The following NT5E variants were observed in gnomAD, a reference collection of about 807,000 sequenced individuals.
NT5E encodes the protein 5'-nucleotidase.
Under a neutral mutation model 55.1 loss-of-function variants are expected in NT5E, and 53 were observed. The ratio of observed to expected loss-of-function variants is 0.96; its 90% CI spans 0.77 to 1.21. The LOEUF is 1.21. Ranked by LOEUF, NT5E falls within the 50% of genes most tolerant of loss-of-function variation. The pLI is 0.00. For missense variants in NT5E, 683 were observed against 724.3 expected, an observed-to-expected ratio of 0.94 and a Z score of 0.65; for synonymous variants, 270 against 278.4, an observed-to-expected ratio of 0.97 and a Z score of 0.30.
chr6:85,476,805 C>A (rs1013663300), intron 3 of NT5E, among the ~76,000 whole-genome samples: 1 of 152,138 alleles, frequency 6.6e-6, no homozygotes, highest in Middle Eastern at 3.2e-3. Flanking sequence ...CCTCTGAAGT[C>A]AAGCTGCTTT....
chr6:85,471,475 G>T, intron 3 of NT5E, 50 bp downstream of exon 3: 2 of 1,537,848 alleles, frequency 1.3e-6, no homozygotes, highest in Non-Finnish European at 1.8e-6. Flanking sequence ...GATAAGCACT[G>T]TGTCTCTTTT....
rs775801582 is a variant in NT5E, at chr6:85,467,104, C to A, written c.384C>A (p.Ile128=). 5 of 1,611,746 alleles carry A rather than the reference C, an allele frequency of 3.1e-6. No individual in the cohort carries two copies. Among genetic ancestry groups the A allele is most frequent in the African/African-American group, 1.3e-5 (1 of 74,758 alleles). Residue 128 remains isoleucine, a synonymous_variant, in exon 2 of 9, where the codon ATC becomes ATA. Coordinates refer to ENST00000257770, the MANE Select transcript of NT5E (RefSeq NM_002526.4). ...TTGATAATGGTGTGGAAGGACTGAT[C>A]GAGCCACTCCTCAAAGAGGCCAAAT... is the stretch of plus-strand genomic sequence containing the variant. ...HEFDNGVEGL[I]EPLLKEAKFP...
chr6:85,466,308 C>A (rs1352865723), intron 1 of NT5E, among the ~76,000 whole-genome samples: 2 of 152,172 alleles, frequency 1.3e-5, no homozygotes, highest in Non-Finnish European at 1.5e-5. Context: ...TTGTCACCAT[C>A]CCTGCTCCTC....
At chr6:85,455,900 G>T (rs1768979825) in intron 1 of NT5E, among the ~76,000 whole-genome samples, 1 of 152,160 alleles carries the variant, frequency 6.6e-6, no homozygotes, top group Admixed American at 6.5e-5. Context: ...AGTAGAAAAA[G>T]CAGTTTGTGT....
intron 3 of NT5E, among the ~76,000 whole-genome samples, chr6:85,483,211 T>C (rs893011747): frequency 2.6e-5 from 4 of 152,238 alleles, no homozygotes; most frequent in African/African-American, 9.6e-5. Flanking sequence ...TCCAGGAAAC[T>C]GACAGACTCC....
Position 85,471,291 on chromosome 6 carries a change from A to G in NT5E, c.617A>G (p.Lys206Arg). ...EITALQPEVD[K>R]LKTLNVNKII... ...ACTGCATTACAACCTGAAGTAGATAAGTTAAAAACTCTAAATGTGAACAAA... is the reference window on the plus strand; with the variant it reads ...ACTGCATTACAACCTGAAGTAGATAGGTTAAAAACTCTAAATGTGAACAAA... Residue 206 changes from lysine to arginine, a missense_variant, in exon 3 of 9, where the codon AAG becomes AGG. Coordinates refer to ENST00000257770, the MANE Select transcript of NT5E (RefSeq NM_002526.4). 1 of 1,612,322 alleles carries G rather than the reference A, an allele frequency of 6.2e-7. No homozygotes were observed. Among genetic ancestry groups the G allele is most frequent in the African/African-American group, 1.3e-5 (1 of 75,052 alleles).
At chr6:85,490,962 T>C (rs1394790151) in intron 7 of NT5E, 3 of 512,464 alleles carry the variant, frequency 5.9e-6, no homozygotes, top group East Asian at 9.9e-5. Context: ...TAAAATCTTA[T>C]TTAAGCATTC....
At chr6:85,488,627 C>T (rs1769717687) in intron 5 of NT5E, among the ~76,000 whole-genome samples, 1 of 152,128 alleles carries the variant, frequency 6.6e-6, no homozygotes, top group Non-Finnish European at 1.5e-5. Context: ...GTCGCCCAGG[C>T]TGGAGTGCAG....
At chr6:85,451,322 G>A (rs1346132100) in intron 1 of NT5E, among the ~76,000 whole-genome samples, 2 of 152,184 alleles carry the variant, frequency 1.3e-5, no homozygotes, top group African/African-American at 4.8e-5. Flanking sequence ...AGGTTTGGCG[G>A]CAGAGATTTA....
At chr6:85,465,194 T>C (rs1019610539) in intron 1 of NT5E, among the ~76,000 whole-genome samples, 1 of 152,086 alleles carries the variant, frequency 6.6e-6, no homozygotes, top group Non-Finnish European at 1.5e-5. Context: ...TTCAGGAGGA[T>C]TAGGCTCAAG....
intron 1 of NT5E, among the ~76,000 whole-genome samples, chr6:85,455,868 A>C (rs1209146935): frequency 6.6e-6 from 1 of 152,192 alleles, no homozygotes; most frequent in Non-Finnish European, 1.5e-5. Flanking sequence ...TGGTCACAGA[A>C]GTATTCTGTG....
intron 1 of NT5E, among the ~76,000 whole-genome samples, chr6:85,461,094 T>A (rs1769090580): frequency 2.6e-5 from 4 of 152,206 alleles, no homozygotes; most frequent in Admixed American, 2.6e-4. Context: ...TATAACCACT[T>A]AAAATGTATC....
At chr6:85,457,121 A>T (rs1769005886) in intron 1 of NT5E, among the ~76,000 whole-genome samples, 1 of 152,148 alleles carries the variant, frequency 6.6e-6, no homozygotes, top group South Asian at 2.1e-4. Flanking sequence ...TAATGCTTCC[A>T]CACAGAGGCT....
chr6:85,454,325 G>A (rs73496249), intron 1 of NT5E, among the ~76,000 whole-genome samples: 2,119 of 152,306 alleles, frequency 0.014, 54 homozygotes, highest in African/African-American at 0.049. Flanking sequence ...AACAGGACAT[G>A]TAAATTTCTA....
At chr6:85,486,470 A>G (rs1260143284) in intron 4 of NT5E, among the ~76,000 whole-genome samples, 1 of 152,038 alleles carries the variant, frequency 6.6e-6, no homozygotes, top group Non-Finnish European at 1.5e-5. Context: ...TTATAGCCCT[A>G]TCTTATCCAT....
At chr6:85,473,727 A>T (rs1769369789) in intron 3 of NT5E, among the ~76,000 whole-genome samples, 1 of 152,214 alleles carries the variant, frequency 6.6e-6, no homozygotes, top group African/African-American at 2.4e-5. Flanking sequence ...TATTCACTTA[A>T]TGCCAGCTAC....
chr6:85,483,334 C>T (rs1184974721), intron 3 of NT5E, among the ~76,000 whole-genome samples: 1 of 152,230 alleles, frequency 6.6e-6, no homozygotes, highest in Non-Finnish European at 1.5e-5. Context: ...CTGACAGAGG[C>T]TGCCATAACT....
At position 85,471,337 on chromosome 6, in the gene NT5E, G is replaced by A. The variant is rs139237444; in HGVS notation, c.663G>A (p.Ser221=). Residue 221 remains serine (S), a synonymous_variant, in exon 3 of 9, where the codon TCG becomes TCA. Transcript: ENST00000257770. ...ACAAAATTATTGCACTGGGACATTC[G>A]GGTTTTGAAATGGATAAACTCATCG... ...NVNKIIALGH[S]GFEMDKLIAQ... 86 of 1,613,012 alleles carry A rather than the reference G, an allele frequency of 5.3e-5. No homozygotes were observed. Among genetic ancestry groups the A allele is most frequent in the African/African-American group, 8.0e-5 (6 of 74,884 alleles).
intron 3 of NT5E, among the ~76,000 whole-genome samples, chr6:85,472,285 A>G (rs1257484513): frequency 1.3e-5 from 2 of 152,220 alleles, no homozygotes; most frequent in African/African-American, 4.8e-5. Flanking sequence ...GTGGGCTGTC[A>G]AAGACCATGC....
Sources: allele counts gnomAD v4.1 joint callset (sites outside exome capture counted in the v4.1 genomes callset), GRCh38; gene constraint gnomAD v4.1.1; transcripts MANE v1.5; gene names NCBI Gene and HGNC (gene_info 2026-07-23, HGNC 2026-07-21).